STK3: variants seen among roughly 807,000 people sequenced by gnomAD.
The protein encoded by STK3 is serine/threonine kinase 3.
A neutral mutation model predicts 58.0 loss-of-function variants in STK3; 41 were observed. The ratio of observed to expected loss-of-function variants is 0.71; its 90% CI spans 0.55 to 0.92. The LOEUF (loss-of-function observed/expected upper bound fraction) is 0.92, where lower values mean the gene tolerates loss of function less well. Ranked by LOEUF, STK3 falls within the 40% of genes least tolerant of loss-of-function variation. The probability of loss-of-function intolerance (pLI) is 0.00; values close to 1 mark genes in which losing one functional copy is unlikely to be tolerated. For missense variants in STK3, 479 were observed against 602.7 expected, an observed-to-expected ratio of 0.79 and a Z score of 2.15; for synonymous variants, 170 against 191.0, an observed-to-expected ratio of 0.89 and a Z score of 0.91.
At chr8:98,477,206 G>T (rs2131257126) in intron 10 of STK3, among the ~76,000 whole-genome samples, 1 of 152,272 alleles carries the variant, frequency 6.6e-6, no homozygotes, top group Non-Finnish European at 1.5e-5. Context: ...TTCGCCAAAA[G>T]AGTAGTAAAT....
intron 1 of STK3, among the ~76,000 whole-genome samples, chr8:98,936,755 T>C (rs562647322): frequency 6.6e-6 from 1 of 152,314 alleles, no homozygotes; most frequent in African/African-American, 2.4e-5. Flanking sequence ...CTTAGTGTAC[T>C]TTTCCAGGAA....
intron 10 of STK3, among the ~76,000 whole-genome samples, chr8:98,524,523 C>T (rs1327331040): frequency 6.6e-6 from 1 of 152,056 alleles, no homozygotes; most frequent in African/African-American, 2.4e-5. Flanking sequence ...TTTCTTTCAC[C>T]CATATTTTTG....
At chr8:98,556,206 T>C (rs1811573523) in intron 8 of STK3, among the ~76,000 whole-genome samples, 1 of 152,060 alleles carries the variant, frequency 6.6e-6, no homozygotes, top group Admixed American at 6.6e-5. Context: ...TCACACGCTC[T>C]AGGGGAACCT....
chr8:98,724,898 G>A (rs775298969), intron 4 of STK3, among the ~76,000 whole-genome samples: 1 of 152,150 alleles, frequency 6.6e-6, no homozygotes, highest in Non-Finnish European at 1.5e-5. Context: ...ACAACTGAAA[G>A]TGCCTTAGCA....
chr8:98,347,633 T>G, the STK3 span, among the ~76,000 whole-genome samples: 1 of 151,902 alleles, frequency 6.6e-6, no homozygotes, highest in Non-Finnish European at 1.5e-5. Flanking sequence ...AATGATGAAC[T>G]AAAGTCTACC....
downstream of STK3, chr8:98,882,376 T>G (rs929652499): frequency 2.0e-5 from 3 of 151,922 alleles, no homozygotes; most frequent in African/African-American, 7.2e-5. Flanking sequence ...TACATATACT[T>G]AAATATATTG....
At chr8:98,728,173 G>A (rs1827920334) in intron 4 of STK3, among the ~76,000 whole-genome samples, 1 of 152,130 alleles carries the variant, frequency 6.6e-6, no homozygotes, top group Non-Finnish European at 1.5e-5. Flanking sequence ...CAGCTGTTCA[G>A]TTAACTCCCT....
At chr8:98,413,470 G>T in intron 3 of STK3, 1 of 598,514 alleles carries the variant, frequency 1.7e-6, no homozygotes. Flanking sequence ...TAACTGCTCT[G>T]AAGTGGCTTC....
At chr8:98,708,585 ATCT>A (rs1462997743) in intron 4 of STK3, among the ~76,000 whole-genome samples, 1 of 152,156 alleles carries the variant, frequency 6.6e-6, no homozygotes, top group Non-Finnish European at 1.5e-5. Flanking sequence ...AAGAAAGAAA[ATCT>A]TCTTAACAGT....
chr8:98,419,003 T>A (rs1305992443), intron 3 of STK3, among the ~76,000 whole-genome samples: 1 of 152,202 alleles, frequency 6.6e-6, no homozygotes, highest in African/African-American at 2.4e-5. Context: ...GACTGCAGCA[T>A]CCTGCCACCA....
chr8:98,344,091 T>C, the STK3 span, among the ~76,000 whole-genome samples: 2 of 152,224 alleles, frequency 1.3e-5, no homozygotes, highest in Non-Finnish European at 2.9e-5. Context: ...TTTTAGTTTC[T>C]GAAGTGCATT....
At chr8:98,386,653 A>G (rs1817794441) in intron 1 of STK3, among the ~76,000 whole-genome samples, 1 of 152,210 alleles carries the variant, frequency 6.6e-6, no homozygotes, top group South Asian at 2.1e-4. Context: ...ACTTCCCTCA[A>G]TGTACCTTGT....
intron 6 of STK3, among the ~76,000 whole-genome samples, chr8:98,682,599 C>T (rs1225037338): frequency 6.6e-6 from 1 of 152,116 alleles, no homozygotes; most frequent in Non-Finnish European, 1.5e-5. Flanking sequence ...GAAAGTTATA[C>T]TTAAAACCAA....
At chr8:98,820,336 T>G (rs1418632085) in intron 1 of STK3, among the ~76,000 whole-genome samples, 1 of 152,198 alleles carries the variant, frequency 6.6e-6, no homozygotes, top group African/African-American at 2.4e-5. Context: ...AATAGCTTAT[T>G]CTTTTACTAT....
downstream of STK3, among the ~76,000 whole-genome samples, chr8:98,453,080 G>GTT (rs919288019): frequency 2.6e-3 from 105 of 39,674 alleles, 5 homozygotes; most frequent in Non-Finnish European, 3.1e-3. Flanking sequence ...TTTCTTTCTT[G>GTT]TTTTTTTTTT....
At chr8:98,383,538 C>T (rs1420988618) in intron 1 of STK3, among the ~76,000 whole-genome samples, 2 of 152,098 alleles carry the variant, frequency 1.3e-5, no homozygotes, top group Non-Finnish European at 2.9e-5. Context: ...TTAAGAATAG[C>T]CTGAGATCCA....
At chr8:98,862,755 G>C in intron 3 of STK3, among the ~76,000 whole-genome samples, 1 of 152,228 alleles carries the variant, frequency 6.6e-6, no homozygotes, top group East Asian at 1.9e-4. Context: ...AAAATCTATT[G>C]AAATGGCATC....
chr8:98,477,717 T>TGGG (rs1563642954), intron 10 of STK3, among the ~76,000 whole-genome samples: 1 of 6,050 alleles, frequency 1.7e-4, no homozygotes, highest in Non-Finnish European at 2.8e-4. Context: ...GGGGGGGGGG[T>TGGG]GGGCGGGGGG....
At chr8:98,726,355 A>AACAC (rs916805265) in intron 4 of STK3, among the ~76,000 whole-genome samples, 4 of 152,234 alleles carry the variant, frequency 2.6e-5, no homozygotes, top group Non-Finnish European at 4.4e-5. Context: ...AGTGTTTATA[A>AACAC]TTCAATCAAA....
Sources: gnomAD v4.1 joint callset for allele counts (sites outside exome capture counted in the v4.1 genomes callset) on GRCh38, gnomAD v4.1.1 for gene constraint, MANE v1.5 for transcripts, NCBI Gene and HGNC (gene_info 2026-07-23, HGNC 2026-07-21) for gene names.